Variants in CDKN2B-AS1 observed in about 807,000 individuals in gnomAD.
CDKN2B-AS1 encodes CDKN2B and CDKN2A antisense cis and trans regulatory RNA 1.
chr9:22,103,786 G>A (rs776270114), intron 4 of CDKN2B-AS1, among the ~76,000 whole-genome samples: 33 of 152,214 alleles, frequency 2.2e-4, no homozygotes, highest in Non-Finnish European at 4.3e-4. Flanking sequence ...TTTAAATGCT[G>A]AGGCAAGGGG....
chr9:22,066,868 T>C (rs915767553), intron 4 of CDKN2B-AS1, among the ~76,000 whole-genome samples: 2 of 152,094 alleles, frequency 1.3e-5, no homozygotes, highest in African/African-American at 4.8e-5. Context: ...ATATACACCA[T>C]GGAATACTAT....
At chr9:22,106,355 A>G (rs1194834389) in intron 4 of CDKN2B-AS1, among the ~76,000 whole-genome samples, 1 of 152,166 alleles carries the variant, frequency 6.6e-6, no homozygotes, top group Non-Finnish European at 1.5e-5. Context: ...TGCTGGGATT[A>G]CAGGCATGAG....
chr9:22,052,072 C>T (rs1823370493), intron 3 of CDKN2B-AS1, among the ~76,000 whole-genome samples: 1 of 152,102 alleles, frequency 6.6e-6, no homozygotes, highest in Non-Finnish European at 1.5e-5. Context: ...ACTCCACATT[C>T]TCATTTCTGA....
intron 1 of CDKN2B-AS1, chr9:22,012,443 C>G: frequency 1.4e-6 from 1 of 721,662 alleles, no homozygotes; most frequent in Non-Finnish European, 2.6e-6. Context: ...GATGATCTGC[C>G]ATAAGCGCTA....
chr9:22,014,152 T>A (rs1244284168), intron 1 of CDKN2B-AS1, among the ~76,000 whole-genome samples: 1 of 152,146 alleles, frequency 6.6e-6, no homozygotes, highest in African/African-American at 2.4e-5. Context: ...AATGTCTTTT[T>A]AAATTATTTA....
intron 1 of CDKN2B-AS1, among the ~76,000 whole-genome samples, chr9:22,045,036 A>G (rs28419335): frequency 0.1 from 9,034 of 88,002 alleles, 904 homozygotes; most frequent in African/African-American, 0.34. Context: ...AATATTATTT[A>G]TTTGTGTGTG....
intron 4 of CDKN2B-AS1, chr9:22,119,918 T>C (rs1157083014): frequency 6.6e-6 from 1 of 152,314 alleles, no homozygotes; most frequent in East Asian, 1.9e-4. Context: ...CTGTCAAATT[T>C]CAGTGAGGTG....
At position 21,995,677 on chromosome 9, in the gene CDKN2B-AS1, AG is replaced by A; in HGVS notation, n.29+520del. 6.5e-6 allele frequency: 1 copy of A among 152,826 alleles called. No homozygotes were observed. The highest frequency in any genetic ancestry group is 1.5e-5 in the Non-Finnish European group (1 of 68,434). The allele number at this position is 152,826 out of a possible 1,614,324, so 9.5% of individuals were successfully genotyped here. A position where few individuals can be genotyped will look rare whatever the true frequency, so the allele number is the denominator to read the frequency against. ...AGGAAAGGAAGGAGCGGCAGAAAGG[AG>A]GGGTGAGTCGAGGACACAGGGGCAG... is the stretch of plus-strand genomic sequence containing the variant. On this transcript the variant is annotated intron_variant and non_coding_transcript_variant, in intron 1 of 4. Coordinates refer to ENST00000650946, the Ensembl canonical transcript of CDKN2B-AS1. This position sits in a 1 kb window ranked among gnomAD's most constrained non-coding sequence, Gnocchi z 5.7.
chr9:22,102,117 G>T (rs1825505480), intron 4 of CDKN2B-AS1, among the ~76,000 whole-genome samples: 1 of 152,150 alleles, frequency 6.6e-6, no homozygotes, highest in Non-Finnish European at 1.5e-5. Flanking sequence ...ATAAAAATGG[G>T]AAGATTTGGC....
chr9:22,031,762 T>G (rs1587429737), intron 1 of CDKN2B-AS1, among the ~76,000 whole-genome samples: 1 of 152,222 alleles, frequency 6.6e-6, no homozygotes, highest in African/African-American at 2.4e-5. Flanking sequence ...CTTGAGTATC[T>G]TGCTCATACC....
chr9:22,052,018 T>G (rs1823367743), intron 3 of CDKN2B-AS1, among the ~76,000 whole-genome samples: 1 of 152,094 alleles, frequency 6.6e-6, no homozygotes, highest in African/African-American at 2.4e-5. Context: ...ATGACTGTGG[T>G]CCTCACATCA....
At chr9:22,064,831 C>T (rs531359275) in intron 4 of CDKN2B-AS1, among the ~76,000 whole-genome samples, 6 of 152,208 alleles carry the variant, frequency 3.9e-5, no homozygotes, top group Non-Finnish European at 5.9e-5. Context: ...TCTAGCCTAA[C>T]GACAAACCTA....
intron 4 of CDKN2B-AS1, among the ~76,000 whole-genome samples, chr9:22,090,592 T>C (rs1825044658): frequency 6.6e-6 from 1 of 152,214 alleles, no homozygotes; most frequent in African/African-American, 2.4e-5. Flanking sequence ...TGATGAGCAA[T>C]TTTTCATGTG....
At chr9:22,090,221 C>G (rs1294637952) in intron 4 of CDKN2B-AS1, among the ~76,000 whole-genome samples, 2 of 152,138 alleles carry the variant, frequency 1.3e-5, no homozygotes, top group East Asian at 3.9e-4. Context: ...TTAATCCACT[C>G]TATCATTGTT....
chr9:22,047,948 C>T (rs1449220174), intron 2 of CDKN2B-AS1, among the ~76,000 whole-genome samples: 1 of 138,562 alleles, frequency 7.2e-6, no homozygotes, highest in Non-Finnish European at 1.5e-5. Context: ...CTCCCATGTG[C>T]GGCTAATTTT....
chr9:22,101,424 TAAC>T (rs1342391375), intron 4 of CDKN2B-AS1, among the ~76,000 whole-genome samples: 1 of 152,184 alleles, frequency 6.6e-6, no homozygotes, highest in Non-Finnish European at 1.5e-5. Flanking sequence ...GCCACAGAAG[TAAC>T]AACTTTTAAT....
At chr9:22,115,707 T>C (rs886272208) in intron 4 of CDKN2B-AS1, among the ~76,000 whole-genome samples, 2 of 152,194 alleles carry the variant, frequency 1.3e-5, no homozygotes, top group Non-Finnish European at 2.9e-5. Flanking sequence ...ATCATTTCTA[T>C]GTGATTATCA....
rs961734230 is a variant in CDKN2B-AS1, at chr9:22,000,964, C to A, written n.29+5803C>A. ...CCATAGCTCAGTACCTAGTATCTGG[C>A]GCAGAAAGAAGTGGAATGGAATTAT... On this transcript the variant is annotated intron_variant and non_coding_transcript_variant, in intron 1 of 4. Coordinates refer to ENST00000650946, the Ensembl canonical transcript of CDKN2B-AS1. This position sits in a 1 kb window ranked among gnomAD's most constrained non-coding sequence, Gnocchi z 4.1. 6.6e-6 allele frequency among the ~76,000 whole-genome samples: 1 copy of A among 151,990 alleles called. No individual in the cohort carries two copies. Among genetic ancestry groups the A allele is most frequent in the African/African-American group, 2.4e-5 (1 of 41,386 alleles).
intron 4 of CDKN2B-AS1, among the ~76,000 whole-genome samples, chr9:22,110,150 TC>T (rs1825767828): frequency 2.0e-5 from 3 of 152,178 alleles, no homozygotes; most frequent in Admixed American, 1.3e-4. Context: ...AGATACTTAA[TC>T]CACTATTATT....
Sources: allele counts gnomAD v4.1 joint callset (sites outside exome capture counted in the v4.1 genomes callset), GRCh38; gene constraint gnomAD v4.1.1; non-coding constraint Gnocchi (gnomAD v3.1); transcripts MANE v1.5; gene names NCBI Gene and HGNC (gene_info 2026-07-23, HGNC 2026-07-21).